ELOVL5: variants seen among roughly 807,000 people sequenced by gnomAD.
The protein encoded by ELOVL5 is very long chain fatty acid elongase 5.
Under a neutral mutation model 38.6 loss-of-function variants are expected in ELOVL5, and 8 were observed. That is an observed-to-expected ratio of 0.21 (90% CI 0.12 to 0.37). The LOEUF is 0.37. Among genes scored for constraint, ELOVL5 ranks in the 10% least tolerant of loss-of-function variants. The pLI is 1.00. For synonymous variants in ELOVL5, 127 were observed against 133.7 expected (o/e 0.95, Z 0.34); for missense variants, 280 against 367.8 (o/e 0.76, Z 1.95).
intron 1 of ELOVL5, among the ~76,000 whole-genome samples, chr6:53,320,400 G>A (rs953565531): frequency 3.3e-5 from 5 of 151,662 alleles, no homozygotes; most frequent in Non-Finnish European, 5.9e-5. Context: ...GCAGTGGCGC[G>A]ATCTCGGCTC....
chr6:53,348,781 G>A lies in ELOVL5; in HGVS notation c.-9+36C>T, dbSNP rs542352491. On this transcript the variant is annotated intron_variant, in intron 1 of 7. Coordinates refer to ENST00000304434, the MANE Select transcript of ELOVL5 (RefSeq NM_021814.5). The stretch of plus-strand genomic sequence containing the variant: ...GCGCGGGTGTCATGGCCGAGCGGCG[G>A]CCCCCGACGAAGTTTCCCGGAGCTG... 1.8e-3 allele frequency: 806 copies of A among 453,068 alleles called. 3 individuals carry two copies. Among genetic ancestry groups the A allele is most frequent in the Non-Finnish European group, 2.8e-3 (622 of 226,008 alleles). 28.1% of individuals were successfully genotyped at this position (453,068 alleles called of 1,614,324 possible).
chr6:53,327,279 A>G (rs1768588921), intron 1 of ELOVL5, among the ~76,000 whole-genome samples: 2 of 152,092 alleles, frequency 1.3e-5, no homozygotes, highest in Admixed American at 1.3e-4. Flanking sequence ...ACTGCTAGGT[A>G]AATCCAACAA....
intron 1 of ELOVL5, among the ~76,000 whole-genome samples, chr6:53,322,786 A>C (rs547373015): frequency 1.0e-3 from 156 of 152,366 alleles, no homozygotes; most frequent in African/African-American, 3.5e-3. Flanking sequence ...AGGAAATGGC[A>C]TTAACTCTGG....
chr6:53,348,245 C>T (rs1482329887), intron 1 of ELOVL5, among the ~76,000 whole-genome samples: 2 of 152,322 alleles, frequency 1.3e-5, no homozygotes, highest in South Asian at 4.1e-4. Flanking sequence ...GGAAGGTCCG[C>T]AGGGTTAACG....
At chr6:53,317,552 C>T (rs1768104792) in intron 1 of ELOVL5, among the ~76,000 whole-genome samples, 1 of 151,948 alleles carries the variant, frequency 6.6e-6, no homozygotes, top group African/African-American at 2.4e-5. Flanking sequence ...GACAAAAAAA[C>T]CAAACACTGC....
At chr6:53,283,719 GA>G (rs958543380) in intron 3 of ELOVL5, among the ~76,000 whole-genome samples, 1 of 152,000 alleles carries the variant, frequency 6.6e-6, no homozygotes, top group Non-Finnish European at 1.5e-5. Flanking sequence ...TGCCTAGAAA[GA>G]AAAAAAGATT....
At chr6:53,297,489 C>T (rs1180146393) in intron 1 of ELOVL5, among the ~76,000 whole-genome samples, 1 of 152,164 alleles carries the variant, frequency 6.6e-6, no homozygotes, top group Non-Finnish European at 1.5e-5. Flanking sequence ...CTTTGTCCAG[C>T]GTATCCTCAC....
intron 1 of ELOVL5, among the ~76,000 whole-genome samples, chr6:53,341,381 C>G (rs1224148501): frequency 6.6e-6 from 1 of 152,162 alleles, no homozygotes. Context: ...ATACAAAGAT[C>G]ACTACTTAGG....
chr6:53,293,448 GCTGGGACTATAGACACACA>G (rs1220264452), intron 2 of ELOVL5, among the ~76,000 whole-genome samples: 1 of 152,134 alleles, frequency 6.6e-6, no homozygotes, highest in African/African-American at 2.4e-5. Context: ...CTCCAGAGTA[GCTGGGACTATAGACACACA>G]CCACCACACC....
chr6:53,312,433 GCCAT>G (rs2127583177), intron 1 of ELOVL5, among the ~76,000 whole-genome samples: 1 of 152,290 alleles, frequency 6.6e-6, no homozygotes, highest in East Asian at 1.9e-4. Context: ...AGTGAAAAGG[GCCAT>G]CCATTTATAA....
intron 3 of ELOVL5, among the ~76,000 whole-genome samples, chr6:53,277,270 C>G (rs1250466658): frequency 1.3e-5 from 2 of 152,014 alleles, no homozygotes; most frequent in African/African-American, 2.4e-5. Context: ...ATCCTGCCTT[C>G]TATCTGATTT....
chr6:53,295,692 T>C lies in ELOVL5; in HGVS notation c.8A>G (p.His3Arg), dbSNP rs371969953. 8.2e-5 allele frequency: 131 copies of C among 1,590,478 alleles called. No homozygotes were observed. The highest frequency in any genetic ancestry group is 1.0e-4 in the Non-Finnish European group (123 of 1,172,346). The part of the protein sequence containing the change: ME[H>R]FDASLSTYFK... ...ATAGGTACTAAGTGATGCATCAAAA[T>C]GTTCCATTTGAAAACCTATTAAGAA... Residue 3 changes from histidine (H) to arginine (R), a missense_variant, in exon 2 of 8, where the codon CAT (histidine) becomes CGT (arginine). Coordinates refer to ENST00000304434, the MANE Select transcript of ELOVL5 (RefSeq NM_021814.5).
intron 1 of ELOVL5, among the ~76,000 whole-genome samples, chr6:53,297,236 A>C (rs1767040654): frequency 6.6e-6 from 1 of 152,148 alleles, no homozygotes; most frequent in Non-Finnish European, 1.5e-5. Context: ...ATAGTTACAA[A>C]ACCTTAGCAC....
At chr6:53,315,924 T>TTC (rs755157099) in intron 1 of ELOVL5, among the ~76,000 whole-genome samples, 9 of 152,092 alleles carry the variant, frequency 5.9e-5, no homozygotes, top group African/African-American at 9.7e-5. Context: ...TCAGTTAGAG[T>TTC]TCTCTAGGCT....
At chr6:53,340,820 A>C (rs991289600) in intron 1 of ELOVL5, among the ~76,000 whole-genome samples, 67 of 152,232 alleles carry the variant, frequency 4.4e-4, no homozygotes, top group African/African-American at 1.6e-3. Flanking sequence ...CAAGCTATAC[A>C]TGACTTGTAC....
In ELOVL5 at chr6:53,320,038, G is replaced by A. The variant is rs147822802; in HGVS notation, c.-8-24331C>T. Among the ~76,000 whole-genome samples, 587 of 152,254 alleles carry A rather than the reference G, an allele frequency of 3.9e-3. 3 individuals are homozygous for A. Among genetic ancestry groups the A allele is most frequent in the African/African-American group, 0.013 (548 of 41,548 alleles). On this transcript the variant is annotated intron_variant, in intron 1 of 7. Transcript: ENST00000304434. ...GATTATAACTCATATTTCTGGCCAG[G>A]TGCAGTGGCTCATGCCTGTAATCCC...
intron 1 of ELOVL5, among the ~76,000 whole-genome samples, chr6:53,334,742 C>T (rs900183573): frequency 2.0e-5 from 3 of 152,144 alleles, no homozygotes; most frequent in African/African-American, 7.2e-5. Context: ...AAAACTGAAT[C>T]CATCATCTTC....
intron 6 of ELOVL5, among the ~76,000 whole-genome samples, chr6:53,271,038 G>A: frequency 6.6e-6 from 1 of 152,186 alleles, no homozygotes; most frequent in East Asian, 1.9e-4. Context: ...GAGCAAGTGT[G>A]TATGTTGAAA....
At chr6:53,304,334 T>C (rs943568709) in intron 1 of ELOVL5, among the ~76,000 whole-genome samples, 3 of 152,230 alleles carry the variant, frequency 2.0e-5, no homozygotes, top group Admixed American at 6.5e-5. Context: ...TGCTCTCTTC[T>C]CTTCTACTAC....
Sources: gnomAD v4.1 joint callset for allele counts (sites outside exome capture counted in the v4.1 genomes callset) on GRCh38, gnomAD v4.1.1 for gene constraint, MANE v1.5 for transcripts, NCBI Gene and HGNC (gene_info 2026-07-23, HGNC 2026-07-21) for gene names.